Variants in CNTN4 observed in about 807,000 individuals in gnomAD.
CNTN4 encodes contactin 4.
A neutral mutation model predicts 122.5 loss-of-function variants in CNTN4; 77 were observed. The observed-to-expected ratio is 0.63, with a 90% CI of 0.52 to 0.76. CNTN4 has a LOEUF of 0.76. Among genes scored for constraint, CNTN4 ranks in the 30% least tolerant of loss-of-function variants. The probability of loss-of-function intolerance (pLI) is 0.00; values close to 1 mark genes in which losing one functional copy is unlikely to be tolerated. For missense variants in CNTN4, 1,256 were observed against 1,259.1 expected (o/e 1.00, Z 0.04); for synonymous variants, 512 against 447.0 (o/e 1.15, Z -1.83).
At chr3:2,889,355 A>G (rs2094012804) in intron 10 of CNTN4, among the ~76,000 whole-genome samples, 1 of 152,202 alleles carries the variant, frequency 6.6e-6, no homozygotes, top group Non-Finnish European at 1.5e-5. Flanking sequence ...CAAGAATATT[A>G]AAGGACTGAC....
At chr3:2,448,020 G>T (rs997241182) in intron 3 of CNTN4, among the ~76,000 whole-genome samples, 1 of 152,192 alleles carries the variant, frequency 6.6e-6, no homozygotes, top group African/African-American at 2.4e-5. Context: ...TAGCTACTGT[G>T]ATATACTTCT....
At chr3:2,205,491 A>C (rs1239731714) in intron 2 of CNTN4, among the ~76,000 whole-genome samples, 1 of 151,988 alleles carries the variant, frequency 6.6e-6, no homozygotes, top group Non-Finnish European at 1.5e-5. Flanking sequence ...GGATCCCATG[A>C]ACTGTAGGGA....
intron 2 of CNTN4, among the ~76,000 whole-genome samples, chr3:2,280,338 G>C (rs1174040267): frequency 6.6e-6 from 1 of 152,138 alleles, no homozygotes; most frequent in African/African-American, 2.4e-5. Flanking sequence ...TGTTTATTGT[G>C]ATTGCTTGAA....
chr3:2,689,302 G>A (rs2085600633), intron 4 of CNTN4, among the ~76,000 whole-genome samples: 1 of 152,128 alleles, frequency 6.6e-6, no homozygotes, highest in Non-Finnish European at 1.5e-5. Context: ...CTTGAAATAT[G>A]GCTGCTCTCA....
At chr3:2,796,498 G>GA (rs940394709) in intron 6 of CNTN4, among the ~76,000 whole-genome samples, 68 of 151,732 alleles carry the variant, frequency 4.5e-4, no homozygotes, top group African/African-American at 1.5e-3. Flanking sequence ...ATTTCTCTAA[G>GA]AAAAAAATGA....
intron 3 of CNTN4, chr3:2,511,499 G>C (rs892354296): frequency 6.6e-6 from 1 of 152,254 alleles, no homozygotes; most frequent in Non-Finnish European, 1.5e-5. Context: ...CATGCAGCGC[G>C]CAGCGGAGAG....
intron 2 of CNTN4, among the ~76,000 whole-genome samples, chr3:2,181,497 G>A (rs2037015174): frequency 6.6e-6 from 1 of 152,092 alleles, no homozygotes; most frequent in African/African-American, 2.4e-5. Context: ...AAAACACAGG[G>A]AAGTGAAATC....
At chr3:2,315,561 A>G (rs2043069433) in intron 2 of CNTN4, among the ~76,000 whole-genome samples, 1 of 151,904 alleles carries the variant, frequency 6.6e-6, no homozygotes, top group Admixed American at 6.6e-5. Flanking sequence ...TTTTCCTCAG[A>G]AATAAGACTG....
At chr3:2,373,254 G>A (rs115526338) in intron 3 of CNTN4, among the ~76,000 whole-genome samples, 195 of 152,256 alleles carry the variant, frequency 1.3e-3, no homozygotes, top group African/African-American at 4.5e-3. Context: ...CCCCACGTGG[G>A]TTAAGCACAG....
intron 4 of CNTN4, among the ~76,000 whole-genome samples, chr3:2,626,817 G>A (rs1428632153): frequency 6.6e-6 from 1 of 152,174 alleles, no homozygotes; most frequent in Non-Finnish European, 1.5e-5. Flanking sequence ...CTAGATGCTA[G>A]AGATACAAAA....
At chr3:2,685,087 T>C (rs2085363099) in intron 4 of CNTN4, among the ~76,000 whole-genome samples, 1 of 152,176 alleles carries the variant, frequency 6.6e-6, no homozygotes, top group Admixed American at 6.5e-5. Flanking sequence ...TACATTAAGA[T>C]CAGTAATATT....
intron 2 of CNTN4, among the ~76,000 whole-genome samples, chr3:2,136,913 G>A (rs142620517): frequency 2.6e-5 from 4 of 152,282 alleles, no homozygotes; most frequent in African/African-American, 4.8e-5. Flanking sequence ...ATAACTGGTT[G>A]CATGCCATCC....
chr3:2,385,623 C>T lies in CNTN4; in HGVS notation c.-89+46390C>T, dbSNP rs1325124313. Among the ~76,000 whole-genome samples, 2 of 151,994 alleles carry T rather than the reference C, an allele frequency of 1.3e-5. No individual in the cohort carries two copies. The highest frequency in any genetic ancestry group is 2.9e-5 in the Non-Finnish European group (2 of 68,034). ...TCGCATCTCTCAGCTTCTGTTAGCC[C>T]CAGTTGTTCTGCAGCTTGTGGGAGC... On this transcript the variant is annotated intron_variant, in intron 3 of 24. Transcript: ENST00000418658. The surrounding 1 kb of genome is among the most constrained non-coding windows in gnomAD (Gnocchi z 4.0).
intron 8 of CNTN4, among the ~76,000 whole-genome samples, chr3:2,870,995 G>A (rs1238084857): frequency 1.3e-5 from 2 of 152,026 alleles, no homozygotes. Flanking sequence ...AAACCCTGGG[G>A]CTCCCTGTTC....
At chr3:2,207,160 C>T (rs1240718139) in intron 2 of CNTN4, among the ~76,000 whole-genome samples, 1 of 152,022 alleles carries the variant, frequency 6.6e-6, no homozygotes, top group Non-Finnish European at 1.5e-5. Context: ...CTGACTACTG[C>T]AGCTACCAGC....
intron 3 of CNTN4, among the ~76,000 whole-genome samples, chr3:2,559,772 CT>C (rs1434528059): frequency 2.0e-5 from 3 of 152,146 alleles, no homozygotes; most frequent in Admixed American, 2.0e-4. Context: ...ATCCCACCAT[CT>C]GCATGTAGTC....
intron 8 of CNTN4, 93 bp from the exon 9 acceptor site, chr3:2,883,052 T>G: frequency 1.2e-6 from 1 of 816,194 alleles, no homozygotes; most frequent in Non-Finnish European, 2.1e-6. Context: ...CATAATGATG[T>G]GTATAAGCAT....
At chr3:2,510,427 C>T (rs1358437307) in intron 3 of CNTN4, among the ~76,000 whole-genome samples, 2 of 148,882 alleles carry the variant, frequency 1.3e-5, no homozygotes, top group Non-Finnish European at 3.0e-5. Flanking sequence ...AGGATTAGAA[C>T]TCAGATTTCT....
chr3:2,110,822 G>C (rs1306693893), intron 2 of CNTN4, among the ~76,000 whole-genome samples: 1 of 152,080 alleles, frequency 6.6e-6, no homozygotes, highest in Non-Finnish European at 1.5e-5. Flanking sequence ...CTTCCTGGCT[G>C]AGGTACTGAG....
Sources: gnomAD v4.1 joint callset for allele counts (sites outside exome capture counted in the v4.1 genomes callset) on GRCh38, gnomAD v4.1.1 for gene constraint, Gnocchi (gnomAD v3.1) non-coding constraint, MANE v1.5 for transcripts, NCBI Gene and HGNC (gene_info 2026-07-23, HGNC 2026-07-21) for gene names.